The following DENND1C variants were observed in gnomAD, a reference collection of about 807,000 sequenced individuals.
The protein encoded by DENND1C is DENN domain-containing protein 1C.
Under a neutral mutation model 87.9 loss-of-function variants are expected in DENND1C, and 64 were observed. The observed-to-expected ratio is 0.73, with a 90% CI of 0.60 to 0.90. DENND1C has a LOEUF of 0.90. Ranked by LOEUF, DENND1C falls within the 40% of genes least tolerant of loss-of-function variation. The pLI is 0.00. For synonymous variants in DENND1C, 384 were observed against 424.4 expected, an observed-to-expected ratio of 0.90 and a Z score of 1.17; for missense variants, 980 against 1,037.0, an observed-to-expected ratio of 0.95 and a Z score of 0.76.
chr19:6,479,925 A>C (rs1364215458), intron 2 of DENND1C, 23 bp from the exon 3 acceptor site: 3 of 1,596,648 alleles, frequency 1.9e-6, no homozygotes, highest in Non-Finnish European at 2.6e-6. Flanking sequence ...GCACGCCTCT[A>C]AGTTCAGCGA....
intron 18 of DENND1C, 84 bp from the exon 19 acceptor site, chr19:6,469,724 C>CTTT: frequency 7.7e-7 from 1 of 1,304,280 alleles, no homozygotes; most frequent in Non-Finnish European, 1.0e-6. Context: ...CCTAAGATAG[C>CTTT]TTTTTTTTTT....
At position 6,475,300 on chromosome 19, in the gene DENND1C, AC is replaced by A; in HGVS notation, c.1026del (p.Tyr343ThrfsTer13). Reference protein sequence around the residue: ...FLKAQALLFGGYRDALVCSPG... With the variant: ...FLKAQALLFGXYRDALVCSPG... ...GGGCTGCAGACGAGTGCGTCGCGGT[AC>A]CCCCCGAAGAGCAGGGCCTGGGCTT... On this transcript the variant is annotated frameshift_variant, in exon 14 of 23. Transcript: ENST00000381480. LOFTEE classifies it high-confidence loss of function. 5 of 1,613,166 alleles carry A rather than the reference AC, an allele frequency of 3.1e-6. No individual in the cohort carries two copies. Among genetic ancestry groups the A allele is most frequent in the Non-Finnish European group, 3.4e-6 (4 of 1,179,820 alleles).
chr19:6,468,234 C>T lies in DENND1C; in HGVS notation c.1791G>A (p.Leu597=). 4 of 1,613,094 alleles carry T rather than the reference C, an allele frequency of 2.5e-6. No homozygotes were observed. In the South Asian group the frequency reaches 3.3e-5, roughly 13 times the overall value. The change falls in exon 22 of 23, where the codon CTG becomes CTA. Residue 597 remains leucine (L), a splice_region_variant and synonymous_variant. Transcript: ENST00000381480. ...HRGDLDSCFS[L]PNIPRWQPDD... ...TTGGGGGAGTGGGCGAGGCTCTCAC[C>T]AGGCTGAAGCAGCTGTCCAGGTCTC...
rs1293114727 is a variant in DENND1C, at chr19:6,479,041, G to A, written c.192C>T (p.Pro64=). 19 of 1,613,828 alleles carry A rather than the reference G, an allele frequency of 1.2e-5. No individual in the cohort carries two copies. The highest frequency in any genetic ancestry group is 1.4e-5 in the Non-Finnish European group (17 of 1,179,870). The change falls in exon 5 of 23, where the codon CCC becomes CCT. Residue 64 remains proline, a synonymous_variant. Coordinates refer to ENST00000381480, the MANE Select transcript of DENND1C (RefSeq NM_024898.4). ...PFDVEREPPS[P]AVQHFTFALT... is the part of the protein sequence containing the mutation. The stretch of plus-strand genomic sequence containing the variant: ...GGGCGAAGGTGAAATGCTGCACGGC[G>A]GGGCTGGGGGGCTCCCTGGAGTGGG...
rs1414523270 is a variant in DENND1C, at chr19:6,476,856, C to G, written c.678+1G>C. The stretch of plus-strand genomic sequence containing the variant: ...CCCCGGCCCGGCGGACCCCGCCTCA[C>G]GGTGCTGAGTTTGCTGGCGGTGAGC... On this transcript the variant is annotated splice_donor_variant, in intron 10 of 22. Transcript: ENST00000381480. LOFTEE classifies it high-confidence loss of function. 3 of 1,610,482 alleles carry G rather than the reference C, an allele frequency of 1.9e-6. No homozygotes were observed. Among genetic ancestry groups the G allele is most frequent in the Non-Finnish European group, 2.5e-6 (3 of 1,179,066 alleles).
At position 6,475,303 on chromosome 19, in the gene DENND1C, C is replaced by T. The variant is rs773818102; in HGVS notation, c.1024G>A (p.Gly342Arg). 1.6e-5 allele frequency: 26 copies of T among 1,613,276 alleles called. No homozygotes were observed. In the South Asian group the frequency reaches 2.5e-4, roughly 16 times the overall value. The change falls in exon 14 of 23, where the codon GGG becomes AGG. Residue 342 changes from glycine (G) to arginine (R), a missense_variant. Coordinates refer to ENST00000381480, the MANE Select transcript of DENND1C (RefSeq NM_024898.4). ...FLKAQALLFGGYRDALVCSPG... is the reference protein window; with the variant it reads ...FLKAQALLFGRYRDALVCSPG... ...CTGCAGACGAGTGCGTCGCGGTACC[C>T]CCCGAAGAGCAGGGCCTGGGCTTTG...
rs185378962 is a variant in DENND1C, at chr19:6,472,890, T to A, written c.1157A>T (p.Gln386Leu). Residue 386 changes from glutamine (Q) to leucine (L), a missense_variant and splice_region_variant, in exon 15 of 23, where the codon CAG becomes CTG. Transcript: ENST00000381480. The part of the protein sequence containing the change: ...RRAVHLQLFK[Q>L]FIEARLEKLN... ...TGGACCCTCAGGGCTCTGGCATACCTGTTTGAACAGCTGCAGGTGCACAGC... is the reference window on the plus strand; with the variant it reads ...TGGACCCTCAGGGCTCTGGCATACCAGTTTGAACAGCTGCAGGTGCACAGC... The A allele has an allele frequency of 1.9e-6, 3 of 1,553,874 alleles. No homozygotes were observed. The East Asian group carries it at 7.0e-5, about 36-fold the overall frequency.
At chr19:6,469,010 T>G in intron 19 of DENND1C, 57 bp from the exon 20 acceptor site, 2 of 1,024,252 alleles carry the variant, frequency 2.0e-6, no homozygotes, top group Non-Finnish European at 2.6e-6. Context: ...CACCACCCCC[T>G]ACCATTGGTC....
At chr19:6,481,530 G>C (rs3852882) in intron 1 of DENND1C, 149 bp downstream of exon 1, 3 of 1,090,786 alleles carry the variant, frequency 2.8e-6, no homozygotes, top group Non-Finnish European at 3.9e-6. Flanking sequence ...AGGTCATAGC[G>C]GAGGCCCATG....
Position 6,468,644 on chromosome 19 carries a change from T to A in DENND1C, c.1517A>T (p.Asn506Ile). 6.7e-7 allele frequency: 1 copy of A among 1,482,582 alleles called. No individual in the cohort carries two copies. Among genetic ancestry groups the A allele is most frequent in the South Asian group, 1.4e-5 (1 of 69,858 alleles). The allele number at this position is 1,482,582 out of a possible 1,614,324, so 91.8% of individuals were successfully genotyped here. A position where few individuals can be genotyped will look rare whatever the true frequency, so the allele number is the denominator to read the frequency against. ...TCTCCTGCTGGGGCGAAGGGGCCGG[T>A]TCTGCAAAGGGTGGGGGCGATAGGA... ...RLPITQHFGK[N>I]RPLRPSRRRQ... is the part of the protein sequence containing the mutation. Residue 506 changes from asparagine (N) to isoleucine (I), a missense_variant and splice_region_variant, in exon 21 of 23, where the codon AAC (asparagine) becomes ATC (isoleucine). Transcript: ENST00000381480.
In DENND1C at chr19:6,468,484, C is replaced by G. The variant is rs750927634; in HGVS notation, c.1584-43G>C. The G allele has an allele frequency of 1.3e-5, 21 of 1,581,962 alleles. No individual in the cohort carries two copies. In the South Asian group the frequency reaches 1.6e-4, roughly 12 times the overall value. On this transcript the variant is annotated intron_variant, in intron 21 of 22. Coordinates refer to ENST00000381480, the MANE Select transcript of DENND1C (RefSeq NM_024898.4). ...GCCTCAGATATTTGCCCAAGACCCC[C>G]AGCCCTGGTCAGGCTGCTCTGGAGT... is the stretch of plus-strand genomic sequence containing the variant.
chr19:6,475,452 C>T (rs1341792091), intron 13 of DENND1C, 32 bp downstream of exon 13: 11 of 1,613,550 alleles, frequency 6.8e-6, no homozygotes, highest in South Asian at 3.3e-5. Context: ...CCTCGCCTCC[C>T]GGGGCAGGAA....
intron 1 of DENND1C, chr19:6,480,529 C>T (rs777621950): frequency 2.6e-5 from 23 of 874,124 alleles, no homozygotes; most frequent in Non-Finnish European, 3.1e-5. Flanking sequence ...CATCCATCCA[C>T]CCACCCACCC....
At chr19:6,474,788 G>T (rs949638763) in intron 14 of DENND1C, among the ~76,000 whole-genome samples, 1 of 152,022 alleles carries the variant, frequency 6.6e-6, no homozygotes, top group Non-Finnish European at 1.5e-5. Context: ...AGAGACGGTG[G>T]CCGGGCATGG....
chr19:6,475,399 C>A lies in DENND1C; in HGVS notation c.928G>T (p.Val310Leu), dbSNP rs374774430. 6.2e-7 allele frequency: 1 copy of A among 1,611,630 alleles called. No individual in the cohort carries two copies. Among genetic ancestry groups the A allele is most frequent in the Non-Finnish European group, 8.5e-7 (1 of 1,178,454 alleles). ...NDVQALPPDVVSLLRLRLRKV... is the reference protein window; with the variant it reads ...NDVQALPPDVLSLLRLRLRKV... Reference sequence around the variant, plus strand: ...CTGAGCCGGAGCCTCAGCAGGGACACCTGAAGCACAAGGGAGTGGCCCTGA... The same window carrying A: ...CTGAGCCGGAGCCTCAGCAGGGACAACTGAAGCACAAGGGAGTGGCCCTGA... Residue 310 changes from valine to leucine, a missense_variant and splice_region_variant, in exon 14 of 23, where the codon GTG becomes TTG. Transcript: ENST00000381480.
In DENND1C at chr19:6,475,315, G is replaced by C; in HGVS notation, c.1012C>G (p.Leu338Val). The change falls in exon 14 of 23, where the codon CTG (leucine) becomes GTG (valine). Residue 338 changes from leucine (L) to valine (V), a missense_variant. Coordinates refer to ENST00000381480, the MANE Select transcript of DENND1C (RefSeq NM_024898.4). ...GCGTCGCGGTACCCCCCGAAGAGCA[G>C]GGCCTGGGCTTTGAGGAAGAGACGG... ...VSRLFLKAQA[L>V]LFGGYRDALV... 2 of 1,613,438 alleles carry C rather than the reference G, an allele frequency of 1.2e-6. No homozygotes were observed. The highest frequency in any genetic ancestry group is 1.7e-6 in the Non-Finnish European group (2 of 1,179,832).
At chr19:6,472,640 C>G (rs182652011) in intron 15 of DENND1C, among the ~76,000 whole-genome samples, 1 of 152,164 alleles carries the variant, frequency 6.6e-6, no homozygotes, top group Non-Finnish European at 1.5e-5. Context: ...CCGCCTGCCT[C>G]GGCCTCCCAA....
chr19:6,479,216 A>AATCTCTGGGTCCCTGG lies in DENND1C; in HGVS notation c.177-176_177-161dup, dbSNP rs1568401682. 31 of 1,061,976 alleles carry AATCTCTGGGTCCCTGG rather than the reference A, an allele frequency of 2.9e-5. No homozygotes were observed. In the African/African-American group the frequency reaches 4.7e-4, roughly 16 times the overall value. 65.8% of individuals were successfully genotyped at this position (1,061,976 alleles called of 1,614,324 possible). The stretch of plus-strand genomic sequence containing the variant: ...GGGTCTCAGAATCCCTGGGTCCCTG[A>AATCTCTGGGTCCCTGG]ATCTCTGGGTCCCTGGATCTCTGGG... On this transcript the variant is annotated intron_variant, in intron 4 of 22. Coordinates refer to ENST00000381480, the MANE Select transcript of DENND1C (RefSeq NM_024898.4).
intron 4 of DENND1C, 105 bp from the exon 5 acceptor site, chr19:6,479,161 T>C (rs2092881743): frequency 1.4e-6 from 2 of 1,468,762 alleles, no homozygotes; most frequent in African/African-American, 1.4e-5. Flanking sequence ...GGGTCTCTAG[T>C]TGTCAGGATC....
Sources: allele counts gnomAD v4.1 joint callset (sites outside exome capture counted in the v4.1 genomes callset), GRCh38; gene constraint gnomAD v4.1.1; transcripts MANE v1.5; gene names NCBI Gene and HGNC (gene_info 2026-07-23, HGNC 2026-07-21).